COL24A1: variants seen among roughly 807,000 people sequenced by gnomAD.
The protein encoded by COL24A1 is collagen type XXIV alpha 1 chain, also known as collagen alpha-1(XXIV) chain.
Under a neutral mutation model 253.9 loss-of-function variants are expected in COL24A1, and 224 were observed. The observed-to-expected ratio is 0.88, with a 90% CI of 0.79 to 0.99. COL24A1 has a LOEUF of 0.99. Among genes scored for constraint, COL24A1 ranks in the 50% least tolerant of loss-of-function variants. The probability of loss-of-function intolerance (pLI) is 0.00; values close to 1 mark genes in which losing one functional copy is unlikely to be tolerated. For missense variants in COL24A1, 2,131 were observed against 2,068.5 expected (o/e 1.03, Z -0.59); for synonymous variants, 685 against 673.7 (o/e 1.02, Z -0.26).
intron 1 of COL24A1, among the ~76,000 whole-genome samples, chr1:86,151,415 T>C (rs1652761111): frequency 6.6e-6 from 1 of 152,024 alleles, no homozygotes; most frequent in African/African-American, 2.4e-5. Flanking sequence ...CCAAAATAAA[T>C]CAACAATATG....
At chr1:85,821,488 C>T (rs992963430) in intron 45 of COL24A1, among the ~76,000 whole-genome samples, 1 of 151,942 alleles carries the variant, frequency 6.6e-6, no homozygotes, top group African/African-American at 2.4e-5. Flanking sequence ...GGGTCATTTC[C>T]AAATCTAAAA....
intron 5 of COL24A1, among the ~76,000 whole-genome samples, chr1:86,110,458 G>T (rs962025452): frequency 6.6e-6 from 1 of 152,014 alleles, no homozygotes; most frequent in Non-Finnish European, 1.5e-5. Flanking sequence ...CACTCTGGCC[G>T]CGCTTGAGGA....
intron 20 of COL24A1, among the ~76,000 whole-genome samples, chr1:85,982,138 A>G (rs1693314919): frequency 6.6e-6 from 1 of 152,164 alleles, no homozygotes; most frequent in South Asian, 2.1e-4. Context: ...CCTTGATGAC[A>G]TTATGTGAAA....
intron 1 of COL24A1, among the ~76,000 whole-genome samples, chr1:86,152,375 T>G (rs962743700): frequency 6.6e-6 from 1 of 152,192 alleles, no homozygotes. Flanking sequence ...AAACTTCATT[T>G]CATGCACAAA....
At chr1:86,074,319 G>C (rs1702090824) in intron 7 of COL24A1, among the ~76,000 whole-genome samples, 1 of 152,010 alleles carries the variant, frequency 6.6e-6, no homozygotes, top group Non-Finnish European at 1.5e-5. Flanking sequence ...CCTAGTCTCT[G>C]GTAAAACAGA....
At chr1:85,802,323 A>T (rs541138389) in intron 47 of COL24A1, among the ~76,000 whole-genome samples, 12 of 152,116 alleles carry the variant, frequency 7.9e-5, no homozygotes, top group African/African-American at 2.7e-4. Flanking sequence ...AAACCATATC[A>T]CTCTACACCT....
At chr1:86,073,260 C>T (rs866038082) in intron 7 of COL24A1, among the ~76,000 whole-genome samples, 1 of 152,192 alleles carries the variant, frequency 6.6e-6, no homozygotes, top group Middle Eastern at 3.4e-3. Context: ...ACTGGATTAA[C>T]CAGTTTAGAG....
At chr1:85,944,594 C>CT (rs11354091) in intron 24 of COL24A1, among the ~76,000 whole-genome samples, 203 of 151,150 alleles carry the variant, frequency 1.3e-3, no homozygotes, top group African/African-American at 4.6e-3. Flanking sequence ...AGAAGAGACT[C>CT]TTTTTTTTTT....
chr1:86,127,975 A>G (rs1648573719), intron 2 of COL24A1, among the ~76,000 whole-genome samples: 1 of 152,048 alleles, frequency 6.6e-6, no homozygotes, highest in African/African-American at 2.4e-5. Context: ...AATAGTTGTA[A>G]TTTCATGACA....
chr1:86,003,852 A>G (rs12079919), intron 19 of COL24A1, among the ~76,000 whole-genome samples: 90,047 of 151,840 alleles, frequency 0.59, 27,020 homozygotes, highest in East Asian at 0.84. Flanking sequence ...CAAAGAGTAT[A>G]AAGAGTTCGC....
chr1:85,863,137 G>T (rs761530952), intron 37 of COL24A1, among the ~76,000 whole-genome samples: 2 of 152,168 alleles, frequency 1.3e-5, no homozygotes, highest in East Asian at 3.8e-4. Context: ...TGGTGCATAA[G>T]AATGCTTGTG....
chr1:85,823,469 C>A, intron 45 of COL24A1, 67 bp downstream of exon 45: 1 of 1,432,808 alleles, frequency 7.0e-7, no homozygotes, highest in Non-Finnish European at 9.8e-7. Context: ...ATAGTAACTC[C>A]TTGTGCTCCT....
chr1:85,764,716 T>TCAA (rs1187318708), intron 53 of COL24A1, among the ~76,000 whole-genome samples: 2 of 152,182 alleles, frequency 1.3e-5, no homozygotes, highest in Non-Finnish European at 2.9e-5. Flanking sequence ...TCTCCAAGGT[T>TCAA]CACTTTAGAA....
chr1:85,744,911 G>T, intron 56 of COL24A1, 77 bp from the exon 57 acceptor site: 1 of 1,119,164 alleles, frequency 8.9e-7, no homozygotes, highest in Non-Finnish European at 1.3e-6. Context: ...AGAAGAATGT[G>T]TTTCCATTAT....
At chr1:85,802,344 A>G (rs1671516644) in intron 47 of COL24A1, among the ~76,000 whole-genome samples, 1 of 152,108 alleles carries the variant, frequency 6.6e-6, no homozygotes, top group Admixed American at 6.6e-5. Context: ...TGCTCACCAA[A>G]CTTTAGCCGT....
intron 24 of COL24A1, among the ~76,000 whole-genome samples, chr1:85,951,714 C>T (rs1239476735): frequency 2.0e-5 from 3 of 152,094 alleles, no homozygotes; most frequent in African/African-American, 7.2e-5. Context: ...GCATTTATAT[C>T]ATCTTGGTCT....
At position 86,105,307 on chromosome 1, in the gene COL24A1, C is replaced by T. The variant is rs78658462; in HGVS notation, c.1599+7260G>A. ...GGCAAGATCTGCCTGCACACACATG[C>T]GTTAGCAAAGCAATACGGGGAGTGG... On this transcript the variant is annotated intron_variant, in intron 5 of 59. Transcript: ENST00000370571. Among the ~76,000 whole-genome samples, 768 of 152,254 alleles carry T rather than the reference C, an allele frequency of 5.0e-3. 14 individuals are homozygous for T. The highest frequency in any genetic ancestry group is 0.042 in the East Asian group (218 of 5,180).
At chr1:86,097,146 A>G (rs570500191) in intron 5 of COL24A1, among the ~76,000 whole-genome samples, 5 of 152,228 alleles carry the variant, frequency 3.3e-5, no homozygotes, top group Non-Finnish European at 5.9e-5. Context: ...TTGTCATCTT[A>G]AAAAAAGCTT....
intron 19 of COL24A1, 56 bp downstream of exon 19, chr1:86,017,095 A>G: frequency 1.4e-6 from 2 of 1,455,740 alleles, no homozygotes; most frequent in Non-Finnish European, 1.9e-6. Flanking sequence ...TTTATCAAAC[A>G]AGTTTAATTT....
Sources: allele counts gnomAD v4.1 joint callset (sites outside exome capture counted in the v4.1 genomes callset), GRCh38; gene constraint gnomAD v4.1.1; transcripts MANE v1.5; gene names NCBI Gene and HGNC (gene_info 2026-07-23, HGNC 2026-07-21).